Variants in MBD5 observed in about 807,000 individuals in gnomAD.
MBD5 encodes methyl-CpG-binding domain protein 5.
A neutral mutation model predicts 117.3 loss-of-function variants in MBD5; 13 were observed. The observed-to-expected ratio is 0.11, with a 90% confidence interval of 0.07 to 0.18. The LOEUF (loss-of-function observed/expected upper bound fraction) is 0.18, where lower values mean the gene tolerates loss of function less well. Ranked by LOEUF, MBD5 falls within the 10% of genes least tolerant of loss-of-function variation. MBD5 has a pLI of 1.00. For missense variants in MBD5, 1,879 were observed against 2,093.8 expected, an observed-to-expected ratio of 0.90 and a Z score of 2.00; for synonymous variants, 727 against 766.4, an observed-to-expected ratio of 0.95 and a Z score of 0.85.
intron 3 of MBD5, chr2:148,264,198 G>A (rs1700798502): frequency 6.6e-6 from 1 of 152,114 alleles, no homozygotes; most frequent in Admixed American, 6.6e-5. Flanking sequence ...TCAGTAGGAT[G>A]GCTCATACCT....
intron 8 of MBD5, among the ~76,000 whole-genome samples, chr2:148,480,469 T>C (rs896570148): frequency 6.6e-6 from 1 of 152,134 alleles, no homozygotes; most frequent in African/African-American, 2.4e-5. Flanking sequence ...TCTCTACATC[T>C]AAATATGTCA....
intron 3 of MBD5, among the ~76,000 whole-genome samples, chr2:148,327,920 C>G (rs1486276158): frequency 1.3e-5 from 2 of 152,096 alleles, no homozygotes; most frequent in African/African-American, 4.8e-5. Context: ...AGGCGCTCTG[C>G]TTTTTAGAGT....
chr2:148,090,824 G>C (rs940310932), intron 1 of MBD5, among the ~76,000 whole-genome samples: 1 of 152,040 alleles, frequency 6.6e-6, no homozygotes. Context: ...ATTCAACATA[G>C]TGAATCAGAC....
At chr2:148,504,381 C>T (rs983696153) in intron 12 of MBD5, among the ~76,000 whole-genome samples, 1 of 152,150 alleles carries the variant, frequency 6.6e-6, no homozygotes, top group Non-Finnish European at 1.5e-5. Flanking sequence ...CGAGATGGGT[C>T]AAAATTACTG....
At chr2:148,286,477 G>T (rs983246961) in intron 3 of MBD5, among the ~76,000 whole-genome samples, 3 of 152,034 alleles carry the variant, frequency 2.0e-5, no homozygotes, top group African/African-American at 7.3e-5. Flanking sequence ...GTTTATTTAG[G>T]TAAGCTGTAA....
intron 3 of MBD5, among the ~76,000 whole-genome samples, chr2:148,338,017 C>T (rs1702842279): frequency 6.6e-6 from 1 of 152,164 alleles, no homozygotes; most frequent in African/African-American, 2.4e-5. Flanking sequence ...CCTCACTACC[C>T]TTCACCTGAC....
intron 1 of MBD5, among the ~76,000 whole-genome samples, chr2:148,119,236 T>C (rs1696708848): frequency 6.6e-6 from 1 of 152,216 alleles, no homozygotes; most frequent in African/African-American, 2.4e-5. Flanking sequence ...TATCTCGTTG[T>C]TTTGATTCAC....
chr2:148,288,073 G>T (rs183417564), intron 3 of MBD5, among the ~76,000 whole-genome samples: 1 of 151,694 alleles, frequency 6.6e-6, no homozygotes, highest in African/African-American at 2.4e-5. Flanking sequence ...TTATGTTGGT[G>T]TGTGTGTGTG....
intron 4 of MBD5, among the ~76,000 whole-genome samples, chr2:148,429,645 A>G (rs1186647041): frequency 2.0e-5 from 3 of 152,108 alleles, no homozygotes; most frequent in East Asian, 1.9e-4. Context: ...GCACATATAC[A>G]CCATGGAATG....
chr2:148,490,808 A>G, intron 11 of MBD5: 2 of 604,210 alleles, frequency 3.3e-6, no homozygotes, highest in South Asian at 4.0e-5. Flanking sequence ...AAGCATTTAT[A>G]GATCACACTA....
At chr2:148,328,642 G>A (rs898719698) in intron 3 of MBD5, among the ~76,000 whole-genome samples, 16 of 152,252 alleles carry the variant, frequency 1.1e-4, no homozygotes, top group Non-Finnish European at 1.9e-4. Flanking sequence ...GACTAGGAAA[G>A]GGAACTCCCT....
At chr2:148,087,472 C>T (rs1695825258) in intron 1 of MBD5, among the ~76,000 whole-genome samples, 2 of 152,224 alleles carry the variant, frequency 1.3e-5, no homozygotes, top group African/African-American at 4.8e-5. Flanking sequence ...ACTTCACTCC[C>T]TGCCACCTCT....
At chr2:148,419,429 T>G (rs1378593376) in intron 4 of MBD5, among the ~76,000 whole-genome samples, 1 of 152,192 alleles carries the variant, frequency 6.6e-6, no homozygotes, top group Non-Finnish European at 1.5e-5. Context: ...AGTTTTTAAG[T>G]CCTGAGTCAT....
chr2:148,098,388 A>G (rs1212646485), intron 1 of MBD5, among the ~76,000 whole-genome samples: 1 of 152,212 alleles, frequency 6.6e-6, no homozygotes, highest in African/African-American at 2.4e-5. Context: ...CATTCAAGAT[A>G]TCAAAGTGTT....
Position 148,516,731 on chromosome 2 carries a change from A to G in MBD5, c.*3790A>G, listed in dbSNP as rs563076910. 6.6e-6 allele frequency: 1 copy of G among 152,356 alleles called. No homozygotes were observed. The highest frequency in any genetic ancestry group is 2.1e-4 in the South Asian group (1 of 4,824). The allele number at this position is 152,356 out of a possible 1,614,324, so 9.4% of individuals were successfully genotyped here. On this transcript the variant is annotated 3_prime_UTR_variant, in exon 14 of 14. Transcript: ENST00000642680. ...AAAGCATTATCTTCAAATATGAAAG[A>G]TTAATTTGTATCTACTGTAAATATG...
At chr2:148,480,968 T>TA (rs1412885519) in intron 8 of MBD5, among the ~76,000 whole-genome samples, 1 of 152,172 alleles carries the variant, frequency 6.6e-6, no homozygotes, top group Non-Finnish European at 1.5e-5. Context: ...GATTTGTACT[T>TA]ACTACTATTA....
intron 1 of MBD5, among the ~76,000 whole-genome samples, chr2:148,120,638 GC>G (rs2105401892): frequency 6.6e-6 from 1 of 152,244 alleles, no homozygotes; most frequent in South Asian, 2.1e-4. Flanking sequence ...CTTGAATCCT[GC>G]TACCTTACTG....
chr2:148,474,646 C>A (rs1680902505), intron 8 of MBD5, among the ~76,000 whole-genome samples: 1 of 151,978 alleles, frequency 6.6e-6, no homozygotes, highest in Admixed American at 6.6e-5. Context: ...ATTTATTTGC[C>A]TTAACTCTTA....
intron 1 of MBD5, among the ~76,000 whole-genome samples, chr2:148,108,472 C>A (rs552887948): frequency 6.6e-6 from 1 of 151,752 alleles, no homozygotes; most frequent in Admixed American, 6.6e-5. Context: ...CACTAAGTAG[C>A]CTTTTGTGGT....
Sources: gnomAD v4.1 joint callset for allele counts (sites outside exome capture counted in the v4.1 genomes callset) on GRCh38, gnomAD v4.1.1 for gene constraint, MANE v1.5 for transcripts, NCBI Gene and HGNC (gene_info 2026-07-23, HGNC 2026-07-21) for gene names.